Variants in ANKRD36C observed in about 807,000 individuals in gnomAD.
The protein encoded by ANKRD36C is ankyrin repeat domain-containing protein 36C.
In ANKRD36C, 61 loss-of-function variants were observed where a neutral mutation model predicts 276.4. That is an observed-to-expected ratio of 0.22 (90% confidence interval 0.18 to 0.27). The LOEUF is 0.27. Ranked by LOEUF, ANKRD36C falls within the 10% of genes least tolerant of loss-of-function variation. ANKRD36C has a pLI of 1.00. For synonymous variants in ANKRD36C, 483 were observed against 680.1 expected, an observed-to-expected ratio of 0.71 and a Z score of 4.51; for missense variants, 1,447 against 2,032.3, an observed-to-expected ratio of 0.71 and a Z score of 5.54.
chr2:95,855,277 C>T (rs1289974228), exon 63 of ANKRD36C: 3 of 1,588,490 alleles, frequency 1.9e-6, no homozygotes, highest in Non-Finnish European at 2.6e-6. Flanking sequence ...TCTCTTTCTG[C>T]TTTCTCTTTT....
intron 48 of ANKRD36C, among the ~76,000 whole-genome samples, chr2:95,889,237 A>T (rs1676274809): frequency 6.6e-6 from 1 of 151,520 alleles, no homozygotes; most frequent in African/African-American, 2.4e-5. Flanking sequence ...CTTTTATGCA[A>T]ATGTTCCAAA....
chr2:95,946,077 A>G (rs2104474209), intron 17 of ANKRD36C, among the ~76,000 whole-genome samples: 1 of 151,718 alleles, frequency 6.6e-6, no homozygotes, highest in African/African-American at 2.4e-5. Context: ...AAAATAACAC[A>G]TCCCAAGAAT....
chr2:95,862,924 G>A (rs927671536), intron 60 of ANKRD36C, among the ~76,000 whole-genome samples: 9 of 151,714 alleles, frequency 5.9e-5, no homozygotes, highest in Non-Finnish European at 8.8e-5. Context: ...CACCAAACAC[G>A]ACAGCATCTG....
chr2:95,873,196 C>T (rs1479720919), intron 59 of ANKRD36C, among the ~76,000 whole-genome samples: 22 of 152,174 alleles, frequency 1.4e-4, no homozygotes, highest in East Asian at 5.8e-4. Flanking sequence ...ATACCAAAGC[C>T]GGGCAGAGAC....
intron 66 of ANKRD36C, among the ~76,000 whole-genome samples, chr2:95,851,451 G>A (rs1225324764): frequency 4.6e-5 from 7 of 152,150 alleles, no homozygotes; most frequent in Admixed American, 6.6e-5. Flanking sequence ...AAAAATTACT[G>A]TAAAACATTG....
intron 24 of ANKRD36C, among the ~76,000 whole-genome samples, chr2:95,930,790 C>A (rs1329988340): frequency 1.4e-5 from 2 of 147,858 alleles, no homozygotes; most frequent in Non-Finnish European, 3.0e-5. Flanking sequence ...GGTTGTTTTA[C>A]AAAATAACTA....
chr2:95,888,205 G>A (rs1676248968), intron 48 of ANKRD36C, 85 bp from the exon 69 acceptor site: 2 of 1,585,940 alleles, frequency 1.3e-6, no homozygotes, highest in Non-Finnish European at 1.7e-6. Context: ...GCATCAAGAT[G>A]TATCTTCCTG....
intron 64 of ANKRD36C, chr2:95,853,312 CATT>C (rs1278670819): frequency 1.2e-5 from 2 of 165,612 alleles, no homozygotes; most frequent in Non-Finnish European, 2.6e-5. Flanking sequence ...TTCCATTAGA[CATT>C]ATCCTCTGAA....
At chr2:95,926,196 G>T (rs765146503) in intron 28 of ANKRD36C, among the ~76,000 whole-genome samples, 1 of 151,374 alleles carries the variant, frequency 6.6e-6, no homozygotes, top group African/African-American at 2.4e-5. Flanking sequence ...AAGGTTCTTC[G>T]TCCACTCATG....
chr2:95,907,979 T>C (rs1676791489), intron 42 of ANKRD36C, among the ~76,000 whole-genome samples: 1 of 150,296 alleles, frequency 6.7e-6, no homozygotes, highest in African/African-American at 2.4e-5. Context: ...TCACTCAGGT[T>C]TTCTCAGCAG....
rs1345958613 is a variant in ANKRD36C, at chr2:95,914,445, C to G, written c.2450-142G>C. The stretch of plus-strand genomic sequence containing the variant: ...ATGGCTTCTACTTTGTGTCTGGGGA[C>G]TAGAACATGATAGAAATACGCTGAG... On this transcript the variant is annotated intron_variant, in intron 38 of 66. Transcript: ENST00000456556. 6.2e-6 allele frequency: 7 copies of G among 1,124,470 alleles called. No homozygotes were observed. In the African/African-American group the frequency reaches 7.8e-5, roughly 13 times the overall value. 69.7% of individuals were successfully genotyped at this position (1,124,470 alleles called of 1,614,324 possible).
intron 48 of ANKRD36C, 149 bp downstream of exon 68, chr2:95,889,650 G>T: frequency 1.8e-6 from 2 of 1,138,786 alleles, no homozygotes; most frequent in Non-Finnish European, 2.5e-6. Context: ...CAGCATCAGG[G>T]TCACCTGAGA....
rs1293089281 is a variant in ANKRD36C at position 95,902,430 on chromosome 2, C to A, written c.2654-3094G>T. Among the ~76,000 whole-genome samples the A allele has an allele frequency of 2.0e-5, 3 of 150,156 alleles. No homozygotes were observed. In the South Asian group the frequency reaches 6.3e-4, roughly 31 times the overall value. ...TTTCACACCTTCCTGCCTCACAATC[C>A]GTCTCCCTTAGGAAAATAGTTGCTA... On this transcript the variant is annotated intron_variant, in intron 42 of 66. Transcript: ENST00000456556.
chr2:95,851,620 A>C lies in ANKRD36C; in HGVS notation c.5313+74T>G, dbSNP rs944338215. The C allele has an allele frequency of 9.6e-5, 121 of 1,257,774 alleles. No individual in the cohort carries two copies. In the African/African-American group the frequency reaches 1.6e-3, roughly 17 times the overall value. 77.9% of individuals were successfully genotyped at this position (1,257,774 alleles called of 1,614,324 possible). A position where few individuals can be genotyped will look rare whatever the true frequency, so the allele number is the denominator to read the frequency against. Reference sequence around the variant, plus strand: ...CTTTTGGCCCCAAGCATTTTGGACAAGGGATATTTAACCCGTCCTACTGGA... The same window carrying C: ...CTTTTGGCCCCAAGCATTTTGGACACGGGATATTTAACCCGTCCTACTGGA... On this transcript the variant is annotated intron_variant, in intron 66 of 66. Coordinates refer to ENST00000456556, the Ensembl canonical transcript of ANKRD36C.
chr2:95,889,764 A>G (rs766204795), intron 48 of ANKRD36C, 35 bp downstream of exon 68: 24 of 1,555,518 alleles, frequency 1.5e-5, no homozygotes, highest in Non-Finnish European at 1.9e-5. Flanking sequence ...TTCTATCTTG[A>G]ACGAACATCC....
chr2:95,917,926 G>C (rs1677151260), exon 36 of ANKRD36C: 3 of 1,606,446 alleles, frequency 1.9e-6, no homozygotes, highest in Non-Finnish European at 2.6e-6. Flanking sequence ...GTCAGTTGTA[G>C]CCTGAATGGA....
chr2:95,954,456 TTCAAAG>T (rs1678281031), intron 13 of ANKRD36C, among the ~76,000 whole-genome samples: 1 of 152,180 alleles, frequency 6.6e-6, no homozygotes, highest in East Asian at 1.9e-4. Flanking sequence ...CTATTTCTGA[TTCAAAG>T]ACTAATCTGT....
Position 95,938,974 on chromosome 2 carries a change from A to T in ANKRD36C, c.1560+13T>A. Reference sequence around the variant, plus strand: ...CAGAGCATTTTGTTAATAATTAAAGAAAATATGTTTACCGTGAATAAAGGC... The same window carrying T: ...CAGAGCATTTTGTTAATAATTAAAGTAAATATGTTTACCGTGAATAAAGGC... On this transcript the variant is annotated intron_variant, in intron 21 of 66. Transcript: ENST00000456556. 1 of 1,535,740 alleles carries T rather than the reference A, an allele frequency of 6.5e-7. No individual in the cohort carries two copies. Among genetic ancestry groups the T allele is most frequent in the Middle Eastern group, 1.7e-4 (1 of 5,978 alleles).
intron 19 of ANKRD36C, among the ~76,000 whole-genome samples, chr2:95,943,021 G>C (rs531233286): frequency 6.6e-6 from 1 of 152,422 alleles, no homozygotes; most frequent in Non-Finnish European, 1.5e-5. Flanking sequence ...ACAATCATGA[G>C]TGTTGACTGC....
Sources: gnomAD v4.1 joint callset for allele counts (sites outside exome capture counted in the v4.1 genomes callset) on GRCh38, gnomAD v4.1.1 for gene constraint, MANE v1.5 for transcripts, NCBI Gene and HGNC (gene_info 2026-07-23, HGNC 2026-07-21) for gene names.